Variants in ARHGAP10 observed in about 807,000 individuals in gnomAD.
The protein encoded by ARHGAP10 is rho GTPase-activating protein 10.
In ARHGAP10, 87 loss-of-function variants were observed where a neutral mutation model predicts 108.6. The ratio of observed to expected loss-of-function variants is 0.80; its 90% CI spans 0.67 to 0.96. The LOEUF (loss-of-function observed/expected upper bound fraction) is 0.96. Ranked by LOEUF, ARHGAP10 falls within the 40% of genes least tolerant of loss-of-function variation. The pLI is 0.00. For synonymous variants in ARHGAP10, 347 were observed against 341.1 expected (o/e 1.02, Z -0.19); for missense variants, 939 against 954.5 (o/e 0.98, Z 0.21).
intron 19 of ARHGAP10, among the ~76,000 whole-genome samples, chr4:148,035,384 C>T (rs1210789815): frequency 6.6e-6 from 1 of 152,062 alleles, no homozygotes; most frequent in African/African-American, 2.4e-5. Flanking sequence ...GAATGCAGAG[C>T]TGTATGTAGT....
At chr4:147,756,211 A>G (rs900755797) in intron 1 of ARHGAP10, among the ~76,000 whole-genome samples, 2 of 152,052 alleles carry the variant, frequency 1.3e-5, no homozygotes, top group African/African-American at 2.4e-5. Context: ...GCTTCTGCTA[A>G]TACCTCATGG....
rs1374665450 is a variant in ARHGAP10, at chr4:147,955,176, TGATATGTAAA to T, written c.1392-138_1392-129del. ...AAGTGATCCGTTTATGTATCTTTTTTGATATGTAAAGGTATTCCCTAGGGAAGTTTTACAC... is the reference window on the plus strand; with the variant it reads ...AAGTGATCCGTTTATGTATCTTTTTTGGTATTCCCTAGGGAAGTTTTACAC... On this transcript the variant is annotated intron_variant, in intron 15 of 22. Transcript: ENST00000336498. The T allele has an allele frequency of 1.9e-5, 14 of 749,470 alleles. 1 individual carries two copies. The highest frequency in any genetic ancestry group is 3.1e-5 in the Non-Finnish European group (14 of 453,510). 46.4% of individuals were successfully genotyped at this position (749,470 alleles called of 1,614,324 possible).
At chr4:147,775,143 G>T (rs1730233581) in intron 1 of ARHGAP10, among the ~76,000 whole-genome samples, 1 of 152,048 alleles carries the variant, frequency 6.6e-6, no homozygotes, top group African/African-American at 2.4e-5. Flanking sequence ...TTGAACTCCT[G>T]ACCTCGTGAT....
At chr4:147,872,230 A>G (rs1045745236) in intron 7 of ARHGAP10, among the ~76,000 whole-genome samples, 15 of 152,068 alleles carry the variant, frequency 9.9e-5, no homozygotes, top group Non-Finnish European at 2.2e-4. Context: ...GTGATGAGAC[A>G]GAGGTGGCTG....
intron 3 of ARHGAP10, among the ~76,000 whole-genome samples, chr4:147,842,120 G>C (rs2126811439): frequency 6.6e-6 from 1 of 152,122 alleles, no homozygotes; most frequent in South Asian, 2.1e-4. Context: ...ATTTTTAGTA[G>C]AGATGGAATT....
chr4:148,064,028 T>C (rs1237845358), intron 21 of ARHGAP10, among the ~76,000 whole-genome samples: 1 of 152,258 alleles, frequency 6.6e-6, no homozygotes, highest in Non-Finnish European at 1.5e-5. Flanking sequence ...CGCCTCCTTC[T>C]GCCGGCTGGC....
intron 18 of ARHGAP10, among the ~76,000 whole-genome samples, chr4:147,983,503 C>CT (rs577734640): frequency 0.14 from 20,498 of 142,182 alleles, 2,234 homozygotes; most frequent in African/African-American, 0.32. Flanking sequence ...TTTTAAAATT[C>CT]TTTTTTTTTT....
In ARHGAP10 at chr4:148,063,241, C is replaced by G. The variant is rs200889352; in HGVS notation, c.2121C>G (p.Pro707=). The change falls in exon 21 of 23, where the codon CCC becomes CCG. Residue 707 remains proline (P), a synonymous_variant. Transcript: ENST00000336498. The part of the protein sequence containing the change: ...SSNSAVTPLS[P]GSSPFPFSPP... The stretch of plus-strand genomic sequence containing the variant: ...ACTCAGCTGTGACACCTCTTTCACC[C>G]GGGTCGTCCCCTTTCCCCTTTTCTC... The G allele has an allele frequency of 1.9e-6, 3 of 1,614,078 alleles. No homozygotes were observed. Among genetic ancestry groups the G allele is most frequent in the Non-Finnish European group, 2.5e-6 (3 of 1,180,036 alleles).
At chr4:147,858,920 C>T (rs949353336) in intron 5 of ARHGAP10, among the ~76,000 whole-genome samples, 3 of 152,226 alleles carry the variant, frequency 2.0e-5, no homozygotes, top group Non-Finnish European at 4.4e-5. Context: ...CTCTTACACT[C>T]CCCATCTAGT....
intron 16 of ARHGAP10, 58 bp downstream of exon 16, chr4:147,955,432 GA>G: frequency 1.4e-6 from 2 of 1,444,580 alleles, no homozygotes; most frequent in South Asian, 1.2e-5. Context: ...GAGCATAAAC[GA>G]AAAATTTCCA....
chr4:148,055,491 G>T (rs1252455113), intron 20 of ARHGAP10, among the ~76,000 whole-genome samples: 1 of 152,140 alleles, frequency 6.6e-6, no homozygotes, highest in Non-Finnish European at 1.5e-5. Context: ...GAGTTCGAGA[G>T]CAGCCTGGCC....
At chr4:147,852,599 C>G (rs2126825410) in intron 4 of ARHGAP10, among the ~76,000 whole-genome samples, 1 of 151,356 alleles carries the variant, frequency 6.6e-6, no homozygotes, top group South Asian at 2.1e-4. Flanking sequence ...TTCTTGGAAA[C>G]TGAATTGAAG....
chr4:147,943,361 A>G (rs1018099789), intron 14 of ARHGAP10, among the ~76,000 whole-genome samples: 8 of 152,236 alleles, frequency 5.3e-5, no homozygotes, highest in Non-Finnish European at 1.0e-4. Flanking sequence ...TTTCCTTTGT[A>G]GGACAGCTTT....
intron 22 of ARHGAP10, among the ~76,000 whole-genome samples, chr4:148,066,693 TGG>T (rs1296458658): frequency 3.3e-5 from 5 of 152,246 alleles, no homozygotes; most frequent in Non-Finnish European, 5.9e-5. Flanking sequence ...GTATTTTGCC[TGG>T]GCTCACACCA....
intron 7 of ARHGAP10, among the ~76,000 whole-genome samples, chr4:147,873,966 C>T (rs967865068): frequency 1.3e-5 from 2 of 151,410 alleles, no homozygotes; most frequent in South Asian, 2.1e-4. Context: ...ACTTTCTTTG[C>T]GGGCTTACAC....
intron 13 of ARHGAP10, among the ~76,000 whole-genome samples, chr4:147,936,576 G>A (rs1000155361): frequency 1.3e-5 from 2 of 151,608 alleles, no homozygotes; most frequent in South Asian, 2.1e-4. Context: ...TGATCCACCC[G>A]CCTCGGCCTC....
intron 1 of ARHGAP10, among the ~76,000 whole-genome samples, chr4:147,808,137 A>G (rs1579069493): frequency 6.6e-6 from 1 of 152,132 alleles, no homozygotes; most frequent in Non-Finnish European, 1.5e-5. Context: ...CACTGTGTGC[A>G]TCTACTTTAT....
chr4:147,878,108 T>G (rs1391280500), intron 8 of ARHGAP10, among the ~76,000 whole-genome samples: 1 of 151,844 alleles, frequency 6.6e-6, no homozygotes, highest in Non-Finnish European at 1.5e-5. Context: ...AGCTAATTTT[T>G]TTTTTTTTGG....
intron 1 of ARHGAP10, among the ~76,000 whole-genome samples, chr4:147,819,699 C>T (rs1312874701): frequency 6.6e-6 from 1 of 152,122 alleles, no homozygotes; most frequent in African/African-American, 2.4e-5. Flanking sequence ...GCTGGGACTA[C>T]AGGTGCCTGC....
Sources: gnomAD v4.1 joint callset for allele counts (sites outside exome capture counted in the v4.1 genomes callset) on GRCh38, gnomAD v4.1.1 for gene constraint, MANE v1.5 for transcripts, NCBI Gene and HGNC (gene_info 2026-07-23, HGNC 2026-07-21) for gene names.